The following PHACTR1 variants were observed in gnomAD, a reference collection of about 807,000 sequenced individuals.
The protein encoded by PHACTR1 is RPEL repeat containing 1.
In PHACTR1, 16 loss-of-function variants were observed where a neutral mutation model predicts 69.2. The observed-to-expected ratio is 0.23, with a 90% CI of 0.16 to 0.35. The LOEUF (loss-of-function observed/expected upper bound fraction) is 0.35. Ranked by LOEUF, PHACTR1 falls within the 10% of genes least tolerant of loss-of-function variation. The pLI is 1.00. For missense variants in PHACTR1, 510 were observed against 734.7 expected (o/e 0.69, Z 3.54); for synonymous variants, 312 against 284.5 (o/e 1.10, Z -0.97).
At chr6:13,190,023 CTT>C (rs56040224) in intron 7 of PHACTR1, among the ~76,000 whole-genome samples, 14 of 123,790 alleles carry the variant, frequency 1.1e-4, no homozygotes, top group Admixed American at 3.3e-4. Flanking sequence ...ATCTCTTCTG[CTT>C]TTTTTTTTTT....
At chr6:13,261,091 A>T (rs1230074794) in intron 10 of PHACTR1, among the ~76,000 whole-genome samples, 1 of 152,200 alleles carries the variant, frequency 6.6e-6, no homozygotes, top group African/African-American at 2.4e-5. Context: ...TAGGAGGCAA[A>T]ATCACCCATG....
At chr6:13,039,388 T>C (rs1803830015) in intron 4 of PHACTR1, among the ~76,000 whole-genome samples, 1 of 152,124 alleles carries the variant, frequency 6.6e-6, no homozygotes, top group Non-Finnish European at 1.5e-5. Context: ...AAGCAGGAAA[T>C]GTGGATTGAT....
chr6:12,990,563 G>A (rs977658380), intron 4 of PHACTR1, among the ~76,000 whole-genome samples: 11 of 152,210 alleles, frequency 7.2e-5, no homozygotes, highest in Middle Eastern at 3.2e-3. Context: ...AGCATTCTAC[G>A]GGTGTGTTAC....
At chr6:12,937,583 AT>A (rs1162062653) in intron 4 of PHACTR1, among the ~76,000 whole-genome samples, 2 of 152,154 alleles carry the variant, frequency 1.3e-5, no homozygotes, top group African/African-American at 4.8e-5. Flanking sequence ...AATATATAAT[AT>A]GTCAGGTGGC....
intron 4 of PHACTR1, among the ~76,000 whole-genome samples, chr6:12,750,531 AGAAG>A (rs1475517702): frequency 1.5e-5 from 2 of 135,154 alleles, no homozygotes; most frequent in African/African-American, 2.7e-5. Context: ...AAGGAAGGAA[AGAAG>A]GAGGGAAGGA....
rs59334120 is a variant in PHACTR1, at chr6:13,194,481, GAA to G, written c.665-11322_665-11321del. Among the ~76,000 whole-genome samples the G allele has an allele frequency of 5.0e-3, 712 of 142,472 alleles. 4 individuals are homozygous for G. Among genetic ancestry groups the G allele is most frequent in the Non-Finnish European group, 8.0e-3 (519 of 64,850 alleles). 93.5% of individuals were successfully genotyped at this position (142,472 alleles called of 152,430 possible). ...ATGAATACTGTGTAATTTTATTGAAGAAAAAAAAAAAAACTAACTGAATTACA... is the reference window on the plus strand; with the variant it reads ...ATGAATACTGTGTAATTTTATTGAAGAAAAAAAAAAACTAACTGAATTACA... On this transcript the variant is annotated intron_variant, in intron 7 of 14. Transcript: ENST00000332995.
At chr6:12,749,539 T>G (rs1209268493) in intron 3 of PHACTR1, 105 bp from the exon 4 acceptor site, 9 of 322,686 alleles carry the variant, frequency 2.8e-5, no homozygotes, top group Non-Finnish European at 5.3e-5. Flanking sequence ...TCCCTTCCTC[T>G]CCCCTCCCCC....
chr6:12,816,871 C>G (rs921559124), intron 4 of PHACTR1, among the ~76,000 whole-genome samples: 13 of 152,168 alleles, frequency 8.5e-5, no homozygotes, highest in Admixed American at 7.2e-4. Flanking sequence ...TATGGCTTGT[C>G]TTTGCTGTGA....
chr6:13,193,782 C>T, intron 7 of PHACTR1, among the ~76,000 whole-genome samples: 1 of 152,058 alleles, frequency 6.6e-6, no homozygotes, highest in East Asian at 1.9e-4. Flanking sequence ...TGTGTCGATG[C>T]TCACCCTGAT....
rs417024 is a variant in PHACTR1, at chr6:13,283,745, A to C, written c.1650+183A>C. On this transcript the variant is annotated intron_variant, in intron 13 of 14. Transcript: ENST00000332995. This position sits in a 1 kb window ranked among gnomAD's most constrained non-coding sequence, Gnocchi z 4.7. Reference sequence around the variant, plus strand: ...CAGATAATCTGCGGAAAGGCTGCTGAATCGGAGAAAACACAAGGCACATAA... The same window carrying C: ...CAGATAATCTGCGGAAAGGCTGCTGCATCGGAGAAAACACAAGGCACATAA... 68,756 of 831,234 alleles carry C rather than the reference A, an allele frequency of 0.083. 4,168 individuals are homozygous for C. Among genetic ancestry groups the C allele is most frequent in the Admixed American group, 0.29 (11,682 of 40,316 alleles). 51.5% of individuals were successfully genotyped at this position (831,234 alleles called of 1,614,324 possible). A position where few individuals can be genotyped will look rare whatever the true frequency, so the allele number is the denominator to read the frequency against.
intron 4 of PHACTR1, among the ~76,000 whole-genome samples, chr6:12,821,571 C>G (rs796069801): frequency 6.6e-6 from 1 of 151,508 alleles, no homozygotes; most frequent in South Asian, 2.1e-4. Context: ...AACTTCATAC[C>G]TCTGTTGTCC....
intron 4 of PHACTR1, among the ~76,000 whole-genome samples, chr6:12,754,055 C>T (rs1766970446): frequency 6.7e-6 from 1 of 149,806 alleles, no homozygotes; most frequent in South Asian, 2.1e-4. Context: ...TTCCGCTTCC[C>T]AGGTTCATGC....
intron 12 of PHACTR1, chr6:13,280,954 CGTTT>C (rs1207696122): frequency 2.3e-6 from 3 of 1,288,682 alleles, no homozygotes; most frequent in South Asian, 1.2e-5. Flanking sequence ...TCCTGGTGGC[CGTTT>C]GTTAGTGCTG....
chr6:12,927,117 G>C (rs540994036), intron 4 of PHACTR1, among the ~76,000 whole-genome samples: 2 of 152,364 alleles, frequency 1.3e-5, no homozygotes, highest in African/African-American at 2.4e-5. Flanking sequence ...ATCATGTGCA[G>C]TTATTCAGAT....
intron 4 of PHACTR1, among the ~76,000 whole-genome samples, chr6:12,797,073 A>C (rs533021297): frequency 4.0e-5 from 6 of 149,972 alleles, no homozygotes; most frequent in Non-Finnish European, 5.9e-5. Context: ...TGAATAATGT[A>C]GGACTCCAGT....
intron 13 of PHACTR1, among the ~76,000 whole-genome samples, chr6:13,284,963 G>A (rs1781343946): frequency 6.6e-6 from 1 of 152,156 alleles, no homozygotes; most frequent in Non-Finnish European, 1.5e-5. Flanking sequence ...GGAATTTGTG[G>A]GAGCAACCCA....
At chr6:13,213,305 G>A (rs1263867152) in intron 8 of PHACTR1, among the ~76,000 whole-genome samples, 2 of 152,008 alleles carry the variant, frequency 1.3e-5, no homozygotes, top group Non-Finnish European at 2.9e-5. Context: ...CCCTCTGTTT[G>A]GAATGCACTC....
intron 7 of PHACTR1, among the ~76,000 whole-genome samples, chr6:13,197,848 T>C (rs559035957): frequency 3.7e-4 from 57 of 152,288 alleles, no homozygotes; most frequent in African/African-American, 1.2e-3. Context: ...GGGCATTTGT[T>C]ATTTTGCCTA....
At position 13,283,288 on chromosome 6, in the gene PHACTR1, G is replaced by T; in HGVS notation, c.1510-134G>T. The T allele has an allele frequency of 5.0e-6, 4 of 807,418 alleles. No individual in the cohort carries two copies. The highest frequency in any genetic ancestry group is 1.8e-5 in the African/African-American group (1 of 54,452). The allele number at this position is 807,418 out of a possible 1,614,324, so 50.0% of individuals were successfully genotyped here. A position where few individuals can be genotyped will look rare whatever the true frequency, so the allele number is the denominator to read the frequency against. On this transcript the variant is annotated intron_variant, in intron 12 of 14. Transcript: ENST00000332995. The surrounding 1 kb of genome is among the most constrained non-coding windows in gnomAD (Gnocchi z 4.7). Reference sequence around the variant, plus strand: ...CCACCCTGGCCCTCCCCCTGCCCCTGCCCCTCACTCACTATGCGATGCATC... The same window carrying T: ...CCACCCTGGCCCTCCCCCTGCCCCTTCCCCTCACTCACTATGCGATGCATC...
Sources: allele counts gnomAD v4.1 joint callset (sites outside exome capture counted in the v4.1 genomes callset), GRCh38; gene constraint gnomAD v4.1.1; non-coding constraint Gnocchi (gnomAD v3.1); transcripts MANE v1.5; gene names NCBI Gene and HGNC (gene_info 2026-07-23, HGNC 2026-07-21).